The following STARD9 variants were observed in gnomAD, a reference collection of about 807,000 sequenced individuals.
STARD9 encodes stAR-related lipid transfer protein 9.
A neutral mutation model predicts 399.8 loss-of-function variants in STARD9; 346 were observed. That is an observed-to-expected ratio of 0.87 (90% CI 0.79 to 0.95). The LOEUF (loss-of-function observed/expected upper bound fraction) is 0.95, where lower values mean the gene tolerates loss of function less well. STARD9 is among the 40% of genes least tolerant of loss of function. The probability of loss-of-function intolerance (pLI) is 0.00; values close to 1 mark genes in which losing one functional copy is unlikely to be tolerated. For synonymous variants in STARD9, 2,203 were observed against 2,143.5 expected (o/e 1.03, Z -0.77); for missense variants, 5,832 against 5,667.5 (o/e 1.03, Z -0.93).
At chr15:42,606,442 CA>C (rs999879632) in intron 3 of STARD9, among the ~76,000 whole-genome samples, 28 of 152,066 alleles carry the variant, frequency 1.8e-4, no homozygotes, top group African/African-American at 6.8e-4. Context: ...CTGAGATGTG[CA>C]GAACACCACC....
Position 42,634,916 on chromosome 15 carries a change from C to CT in STARD9, c.300dup (p.Ala101CysfsTer28). ...AGTTGCCAAAGGCTATAACATATGC[C>CT]TTTTTGCTTATGGACAGACAGGCTC... On this transcript the variant is annotated frameshift_variant, in exon 4 of 33. Coordinates refer to ENST00000290607, the MANE Select transcript of STARD9 (RefSeq NM_020759.3). LOFTEE classifies it high-confidence loss of function. 6.5e-7 allele frequency: 1 copy of CT among 1,536,984 alleles called. No individual in the cohort carries two copies. The highest frequency in any genetic ancestry group is 8.7e-7 in the Non-Finnish European group (1 of 1,146,722).
chr15:42,608,265 G>C (rs1269368733), intron 3 of STARD9, among the ~76,000 whole-genome samples: 1 of 152,146 alleles, frequency 6.6e-6, no homozygotes, highest in East Asian at 1.9e-4. Context: ...AGGGTAGTGT[G>C]GTTTGTGGGT....
chr15:42,674,607 C>T, intron 17 of STARD9, 116 bp downstream of exon 17: 1 of 1,212,836 alleles, frequency 8.2e-7, no homozygotes, highest in Non-Finnish European at 1.2e-6. Flanking sequence ...GTATTCAGGG[C>T]CTGCTTCTCT....
chr15:42,683,787 T>C (rs774798748), intron 22 of STARD9, among the ~76,000 whole-genome samples: 3 of 152,260 alleles, frequency 2.0e-5, no homozygotes, highest in Non-Finnish European at 4.4e-5. Flanking sequence ...TATGTATCAC[T>C]CTATAGATTT....
chr15:42,611,525 CT>C (rs2058849620), intron 3 of STARD9, among the ~76,000 whole-genome samples: 1 of 152,172 alleles, frequency 6.6e-6, no homozygotes, highest in Non-Finnish European at 1.5e-5. Context: ...ACAGCTTACC[CT>C]TCTTGGGTTT....
Position 42,689,472 on chromosome 15 carries a change from C to A in STARD9, c.7894C>A (p.Pro2632Thr). ...SAEAGQIDLL[P>T]DERKVQATSL... ...TGAAGCAGGGCAGATAGATCTGTTA[C>A]CTGATGAGAGGAAAGTCCAGGCCAC... Residue 2632 changes from proline (P) to threonine (T), a missense_variant, in exon 23 of 33, where the codon CCT (proline) becomes ACT (threonine). Coordinates refer to ENST00000290607, the MANE Select transcript of STARD9 (RefSeq NM_020759.3). The A allele has an allele frequency of 6.5e-7, 1 of 1,537,248 alleles. No individual in the cohort carries two copies. The highest frequency in any genetic ancestry group is 8.7e-7 in the Non-Finnish European group (1 of 1,146,914).
chr15:42,716,190 A>G (rs2061346355), intron 26 of STARD9, among the ~76,000 whole-genome samples: 2 of 152,144 alleles, frequency 1.3e-5, no homozygotes, highest in Non-Finnish European at 2.9e-5. Context: ...TCTAATCCCC[A>G]GTTAGGACCT....
At chr15:42,712,096 T>TAAAATATAA (rs1192910136) in intron 26 of STARD9, among the ~76,000 whole-genome samples, 8 of 508 alleles carry the variant, frequency 0.016, no homozygotes, top group African/African-American at 0.022. Context: ...TATATATATA[T>TAAAATATAA]AATATATAAT....
intron 2 of STARD9, 64 bp from the exon 3 acceptor site, chr15:42,585,457 A>G (rs1470963299): frequency 6.5e-6 from 7 of 1,070,644 alleles, no homozygotes; most frequent in Non-Finnish European, 9.7e-6. Flanking sequence ...AGGGTGATCA[A>G]GTGCCACTGG....
At chr15:42,714,312 C>T (rs370525856) in intron 26 of STARD9, among the ~76,000 whole-genome samples, 2 of 152,102 alleles carry the variant, frequency 1.3e-5, no homozygotes, top group East Asian at 3.9e-4. Context: ...GTGATCCACC[C>T]GCCTCGGCCT....
chr15:42,677,611 A>G (rs1352376332), intron 20 of STARD9, among the ~76,000 whole-genome samples: 1 of 152,240 alleles, frequency 6.6e-6, no homozygotes, highest in Non-Finnish European at 1.5e-5. Flanking sequence ...CTGCAACTTA[A>G]ATAGCTGAGA....
intron 1 of STARD9, among the ~76,000 whole-genome samples, chr15:42,579,645 GGAA>G (rs1435378844): frequency 6.6e-6 from 1 of 152,084 alleles, no homozygotes; most frequent in African/African-American, 2.4e-5. Flanking sequence ...CAAGAAAACT[GGAA>G]GAACACATTT....
At position 42,624,705 on chromosome 15, in the gene STARD9, C is replaced by T. The variant is rs147467293; in HGVS notation, c.235-10151C>T. 9.0e-3 allele frequency among the ~76,000 whole-genome samples: 1,369 copies of T among 152,090 alleles called. 19 individuals carry two copies. The highest frequency in any genetic ancestry group is 0.031 in the African/African-American group (1,300 of 41,460). On this transcript the variant is annotated intron_variant, in intron 3 of 32. Coordinates refer to ENST00000290607, the MANE Select transcript of STARD9 (RefSeq NM_020759.3). ...CTGGGACTACAGGCATGCGCCACCA[C>T]GCCCAGCTAATTTTTGTATTTTTCA...
Position 42,695,771 on chromosome 15 carries a change from A to T in STARD9, c.13175A>T (p.Asn4392Ile). The change falls in exon 26 of 33, where the codon AAT (asparagine) becomes ATT (isoleucine). Residue 4392 changes from asparagine (N) to isoleucine (I), a missense_variant. Physicochemically the swap from Asn to Ile is moderately radical, Grantham distance 149. Around this residue, in one of 2 missense-constraint regions of STARD9, gnomAD observed 5,828 missense variants for 5,651.1 expected, o/e 1.03. Transcript: ENST00000290607. ...GAGGATAAACTACATACCTTGGCCAATTCCAGCTCCCTGTGCACCAGCTCT... is the reference window on the plus strand; with the variant it reads ...GAGGATAAACTACATACCTTGGCCATTTCCAGCTCCCTGTGCACCAGCTCT... ...KEEDKLHTLA[N>I]SSSLCTSSNG... 6.5e-7 allele frequency: 1 copy of T among 1,537,228 alleles called. No homozygotes were observed. Among genetic ancestry groups the T allele is most frequent in the Non-Finnish European group, 8.7e-7 (1 of 1,146,878 alleles).
rs1337737703 is a variant in STARD9 at position 42,691,666 on chromosome 15, T to G, written c.10088T>G (p.Leu3363Arg). ...CCTAACAGATTGTGGAACCCACATC[T>G]CAGGGGCTATTCCTCAGGAAAGTCA... ...QGPNRLWNPH[L>R]RGYSSGKSVA... is the part of the protein sequence containing the mutation. The change falls in exon 23 of 33, where the codon CTC (leucine) becomes CGC (arginine). Residue 3363 changes from leucine to arginine, a missense_variant. Physicochemically the swap from Leu to Arg is moderately radical, Grantham distance 102. Around this residue, in one of 2 missense-constraint regions of STARD9, gnomAD observed 5,828 missense variants for 5,651.1 expected, o/e 1.03. Coordinates refer to ENST00000290607, the MANE Select transcript of STARD9 (RefSeq NM_020759.3). 1 of 1,537,180 alleles carries G rather than the reference T, an allele frequency of 6.5e-7. No homozygotes were observed. Among genetic ancestry groups the G allele is most frequent in the Non-Finnish European group, 8.7e-7 (1 of 1,146,892 alleles).
At position 42,693,133 on chromosome 15, in the gene STARD9, A is replaced by G; in HGVS notation, c.11555A>G (p.Tyr3852Cys). 1 of 1,537,100 alleles carries G rather than the reference A, an allele frequency of 6.5e-7. No individual in the cohort carries two copies. Among genetic ancestry groups the G allele is most frequent in the African/African-American group, 1.4e-5 (1 of 73,100 alleles). ...CCCAGCTCCCAGCCAGAGGAGTCAT[A>G]TTGCTTAGTTGTCAGCAGTCCCAGT... ...LPPSSQPEES[Y>C]CLVVSSPSPS... is the part of the protein sequence containing the mutation. Residue 3852 changes from tyrosine (Y) to cysteine (C), a missense_variant, in exon 23 of 33, where the codon TAT becomes TGT. This residue lies in a region of STARD9 where 5,828 missense variants were observed against 5,651.1 expected (regional missense o/e 1.03). Transcript: ENST00000290607.
intron 2 of STARD9, 48 bp downstream of exon 2, chr15:42,583,463 T>C: frequency 7.3e-7 from 1 of 1,370,946 alleles, no homozygotes; most frequent in Non-Finnish European, 1.0e-6. Context: ...GGAGCTAATA[T>C]TGTTACAGGG....
At chr15:42,673,401 C>CA (rs142562373) in intron 16 of STARD9, among the ~76,000 whole-genome samples, 5,411 of 151,370 alleles carry the variant, frequency 0.036, 305 homozygotes, top group African/African-American at 0.12. Context: ...GACTCTGTCT[C>CA]AAAAAAAACA....
At chr15:42,668,877 T>G (rs1025807608) in intron 15 of STARD9, among the ~76,000 whole-genome samples, 10 of 152,230 alleles carry the variant, frequency 6.6e-5, no homozygotes, top group African/African-American at 2.4e-4. Flanking sequence ...TGTTTTTTTC[T>G]AATTATAAAA....
Sources: gnomAD v4.1 joint callset for allele counts (sites outside exome capture counted in the v4.1 genomes callset) on GRCh38, gnomAD v4.1.1 for gene constraint, gnomAD v4.1.1 regional missense constraint, MANE v1.5 for transcripts, NCBI Gene and HGNC (gene_info 2026-07-23, HGNC 2026-07-21) for gene names.